Variants in CLDN10 observed in about 807,000 individuals in gnomAD.
CLDN10 encodes the protein claudin 10.
In CLDN10, 15 loss-of-function variants were observed where a neutral mutation model predicts 22.9. That is an observed-to-expected ratio of 0.65 (90% confidence interval 0.44 to 1.01). The LOEUF is 1.01. CLDN10 is among the 50% of genes least tolerant of loss of function. The probability of loss-of-function intolerance (pLI) is 0.00; values close to 1 mark genes in which losing one functional copy is unlikely to be tolerated. For missense variants in CLDN10, 247 were observed against 287.8 expected, an observed-to-expected ratio of 0.86 and a Z score of 1.03; for synonymous variants, 114 against 111.4, an observed-to-expected ratio of 1.02 and a Z score of -0.15.
At chr13:95,501,467 C>G (rs374501942) in intron 1 of CLDN10, among the ~76,000 whole-genome samples, 35 of 152,314 alleles carry the variant, frequency 2.3e-4, no homozygotes, top group African/African-American at 7.9e-4. Context: ...GTGTGTGCCA[C>G]CATGCCCAGC....
At chr13:95,457,866 C>A (rs1023676334) in intron 1 of CLDN10, among the ~76,000 whole-genome samples, 1 of 152,116 alleles carries the variant, frequency 6.6e-6, no homozygotes, top group Non-Finnish European at 1.5e-5. Flanking sequence ...ATAAGTCAAC[C>A]TGTGAGTTAG....
chr13:95,549,248 T>C (rs552618333), upstream of CLDN10, among the ~76,000 whole-genome samples: 46 of 152,352 alleles, frequency 3.0e-4, no homozygotes, highest in Admixed American at 1.3e-3. Context: ...GGCAACCTTT[T>C]TTGATGTATT....
At chr13:95,572,303 C>A (rs773985410) in intron 3 of CLDN10, among the ~76,000 whole-genome samples, 2 of 152,116 alleles carry the variant, frequency 1.3e-5, no homozygotes, top group Admixed American at 6.5e-5. Flanking sequence ...GTTATAAAAT[C>A]TTTTACTTAA....
chr13:95,547,575 C>T (rs924698172), intron 1 of CLDN10, among the ~76,000 whole-genome samples: 2 of 152,158 alleles, frequency 1.3e-5, no homozygotes, highest in Non-Finnish European at 2.9e-5. Context: ...TTCTTCACAA[C>T]GCCTTTGAAA....
chr13:95,446,457 C>T (rs967938128), intron 1 of CLDN10, among the ~76,000 whole-genome samples: 1 of 152,190 alleles, frequency 6.6e-6, no homozygotes, highest in Admixed American at 6.5e-5. Context: ...ATGTTCATAG[C>T]CTAGAAGGGA....
At chr13:95,551,547 G>A (rs1295024556), upstream of CLDN10, among the ~76,000 whole-genome samples, 2 of 152,048 alleles carry the variant, frequency 1.3e-5, no homozygotes, top group Non-Finnish European at 2.9e-5. Context: ...GTGACAAAGG[G>A]AAATTAAGAA....
chr13:95,577,422 C>A, intron 4 of CLDN10, 84 bp downstream of exon 4: 1 of 899,044 alleles, frequency 1.1e-6, no homozygotes, highest in Non-Finnish European at 1.8e-6. Flanking sequence ...ACAGATAGTT[C>A]ATATGATTCT....
At chr13:95,525,706 G>A (rs141512030) in intron 1 of CLDN10, among the ~76,000 whole-genome samples, 246 of 152,022 alleles carry the variant, frequency 1.6e-3, no homozygotes, top group Non-Finnish European at 2.8e-3. Context: ...TGGCCAAGCT[G>A]GCCTTGAACT....
intron 1 of CLDN10, among the ~76,000 whole-genome samples, chr13:95,437,093 A>G (rs1246201637): frequency 6.6e-6 from 1 of 152,014 alleles, no homozygotes; most frequent in Non-Finnish European, 1.5e-5. Context: ...TCATTGCTGG[A>G]GTCATACCTT....
At chr13:95,484,887 A>AAG (rs2042788996) in intron 1 of CLDN10, among the ~76,000 whole-genome samples, 2 of 150,466 alleles carry the variant, frequency 1.3e-5, no homozygotes, top group African/African-American at 2.4e-5. Context: ...AAAAAAAAAA[A>AAG]AAAAAAAAGA....
chr13:95,544,476 G>A (rs1226319708), intron 1 of CLDN10, among the ~76,000 whole-genome samples: 1 of 152,096 alleles, frequency 6.6e-6, no homozygotes, highest in Non-Finnish European at 1.5e-5. Context: ...GATAATACAG[G>A]CAAAACATGA....
intron 3 of CLDN10, among the ~76,000 whole-genome samples, chr13:95,571,022 A>G (rs1054218608): frequency 6.6e-6 from 1 of 151,712 alleles, no homozygotes; most frequent in Non-Finnish European, 1.5e-5. Context: ...TGCTTTTAAT[A>G]GCAAAAACTG....
chr13:95,526,870 TTTAG>T (rs2043287273), intron 1 of CLDN10, among the ~76,000 whole-genome samples: 1 of 152,156 alleles, frequency 6.6e-6, no homozygotes, highest in African/African-American at 2.4e-5. Context: ...GTGTAAAATT[TTTAG>T]TTAATCACAC....
intron 1 of CLDN10, among the ~76,000 whole-genome samples, chr13:95,457,378 A>T (rs1452363342): frequency 6.6e-6 from 1 of 152,206 alleles, no homozygotes; most frequent in Non-Finnish European, 1.5e-5. Context: ...ATGCAAATGG[A>T]TCCTCTTTCG....
upstream of CLDN10, among the ~76,000 whole-genome samples, chr13:95,548,024 G>A (rs571268009): frequency 1.8e-4 from 27 of 152,260 alleles, 1 homozygote; most frequent in South Asian, 1.5e-3. Context: ...AAGTGGTCTC[G>A]GAAGATATCC....
chr13:95,542,607 G>C (rs1006848747), intron 1 of CLDN10, among the ~76,000 whole-genome samples: 1 of 152,142 alleles, frequency 6.6e-6, no homozygotes, highest in Non-Finnish European at 1.5e-5. Flanking sequence ...AGGAGTTCAA[G>C]ACCAGCCTGG....
At chr13:95,502,365 G>A (rs1380580272) in intron 1 of CLDN10, among the ~76,000 whole-genome samples, 1 of 152,164 alleles carries the variant, frequency 6.6e-6, no homozygotes, top group African/African-American at 2.4e-5. Context: ...CCTCTCAAAT[G>A]TCTGAGCAGC....
chr13:95,488,835 T>C (rs564245078), intron 1 of CLDN10, among the ~76,000 whole-genome samples: 1 of 152,310 alleles, frequency 6.6e-6, no homozygotes, highest in South Asian at 2.1e-4. Context: ...ATTGTGCTGC[T>C]GTAAACATGC....
At chr13:95,554,286 T>A (rs114121880) in intron 1 of CLDN10, among the ~76,000 whole-genome samples, 2,386 of 152,318 alleles carry the variant, frequency 0.016, 70 homozygotes, top group African/African-American at 0.055. Context: ...CTGTGATTTA[T>A]AGTCAGCAAT....
Sources: allele counts gnomAD v4.1 joint callset (sites outside exome capture counted in the v4.1 genomes callset), GRCh38; gene constraint gnomAD v4.1.1; transcripts MANE v1.5; gene names NCBI Gene and HGNC (gene_info 2026-07-23, HGNC 2026-07-21).